Variants in CACNA1D observed in about 807,000 individuals in gnomAD.
CACNA1D encodes voltage-dependent L-type calcium channel subunit alpha-1D.
In CACNA1D, 55 loss-of-function variants were observed where a neutral mutation model predicts 257.1. That is an observed-to-expected ratio of 0.21 (90% CI 0.17 to 0.27). The LOEUF (loss-of-function observed/expected upper bound fraction) is 0.27. CACNA1D is among the 10% of genes least tolerant of loss of function. The pLI is 1.00. For synonymous variants in CACNA1D, 980 were observed against 1,014.9 expected, an observed-to-expected ratio of 0.97 and a Z score of 0.65; for missense variants, 1,876 against 2,784.0, an observed-to-expected ratio of 0.67 and a Z score of 7.34.
intron 4 of CACNA1D, among the ~76,000 whole-genome samples, chr3:53,656,879 T>TACACTAGTGTATGCAGTAC (rs2094152463): frequency 6.6e-6 from 1 of 152,200 alleles, no homozygotes; most frequent in South Asian, 2.1e-4. Flanking sequence ...CCACTAGTAT[T>TACACTAGTGTATGCAGTAC]ACTAAATGTA....
intron 17 of CACNA1D, 69 bp downstream of exon 17, chr3:53,731,215 A>AT: frequency 3.1e-6 from 3 of 972,482 alleles, no homozygotes; most frequent in Non-Finnish European, 5.0e-6. Context: ...TACATGTACC[A>AT]TTTACACTGT....
At chr3:53,714,015 T>G (rs2094791758) in intron 9 of CACNA1D, among the ~76,000 whole-genome samples, 2 of 152,354 alleles carry the variant, frequency 1.3e-5, no homozygotes, top group South Asian at 4.1e-4. Flanking sequence ...CTCCAGATTT[T>G]CAGCAGGCAA....
intron 3 of CACNA1D, among the ~76,000 whole-genome samples, chr3:53,605,622 A>C (rs1464689070): frequency 6.6e-6 from 1 of 152,244 alleles, no homozygotes; most frequent in Non-Finnish European, 1.5e-5. Context: ...GTGAACCAGA[A>C]TGCGTGTGGC....
chr3:53,800,420 C>G lies in CACNA1D; in HGVS notation c.5040+55C>G. 1.7e-6 allele frequency: 2 copies of G among 1,193,572 alleles called. No homozygotes were observed. Among genetic ancestry groups the G allele is most frequent in the Non-Finnish European group, 2.5e-6 (2 of 795,922 alleles). 73.9% of individuals were successfully genotyped at this position (1,193,572 alleles called of 1,614,324 possible). A position where few individuals can be genotyped will look rare whatever the true frequency, so the allele number is the denominator to read the frequency against. On this transcript the variant is annotated intron_variant, in intron 41 of 47. Coordinates refer to ENST00000350061, the MANE Select transcript of CACNA1D (RefSeq NM_001128840.3). The surrounding 1 kb of genome is among the most constrained non-coding windows in gnomAD (Gnocchi z 4.3). ...GCCATCTGGAAATAGCAGGGCAGGACTCCAGTTTGGGCAGTTAATCATCCA... is the reference window on the plus strand; with the variant it reads ...GCCATCTGGAAATAGCAGGGCAGGAGTCCAGTTTGGGCAGTTAATCATCCA...
At chr3:53,651,989 A>G (rs2094102676) in intron 4 of CACNA1D, among the ~76,000 whole-genome samples, 1 of 152,144 alleles carries the variant, frequency 6.6e-6, no homozygotes, top group African/African-American at 2.4e-5. Context: ...CAGTGGGACA[A>G]TTAGACTTGT....
At chr3:53,594,453 C>CT (rs35565636) in intron 3 of CACNA1D, among the ~76,000 whole-genome samples, 57,627 of 152,034 alleles carry the variant, frequency 0.38, 11,437 homozygotes, top group Middle Eastern at 0.48. Context: ...GCTCTTGGCA[C>CT]TAGAGATATT....
At chr3:53,551,438 G>T (rs953193538) in intron 3 of CACNA1D, among the ~76,000 whole-genome samples, 3 of 152,260 alleles carry the variant, frequency 2.0e-5, no homozygotes, top group Non-Finnish European at 4.4e-5. Context: ...GCCACAGGGA[G>T]TGGGTACAGA....
intron 3 of CACNA1D, among the ~76,000 whole-genome samples, chr3:53,592,150 A>T (rs1297087110): frequency 1.3e-5 from 2 of 152,158 alleles, no homozygotes; most frequent in African/African-American, 4.8e-5. Flanking sequence ...TTCTAGTGGG[A>T]AGAGAGGTGA....
At chr3:53,810,696 T>TGCAGTGA (rs2095593386) in intron 47 of CACNA1D, 1 of 237,332 alleles carries the variant, frequency 4.2e-6, no homozygotes, top group Admixed American at 6.4e-5. Flanking sequence ...AGGTGGAGGC[T>TGCAGTGA]GCAGTGAGCC....
At chr3:53,603,100 C>T (rs2093465508) in intron 3 of CACNA1D, among the ~76,000 whole-genome samples, 1 of 152,218 alleles carries the variant, frequency 6.6e-6, no homozygotes, top group African/African-American at 2.4e-5. Flanking sequence ...AAGCATAGAC[C>T]TACATAGCAT....
intron 22 of CACNA1D, among the ~76,000 whole-genome samples, chr3:53,743,821 A>G (rs957316082): frequency 4.6e-5 from 7 of 152,124 alleles, no homozygotes; most frequent in Non-Finnish European, 8.8e-5. Flanking sequence ...GCACACATGC[A>G]CACACCTGCC....
At position 53,667,161 on chromosome 3, in the gene CACNA1D, C is replaced by T. The variant is rs80136442; in HGVS notation, c.1116+626C>T. ...TCTGGCAGAAAGGGTAGGAATGGCA[C>T]GTAGACTTCCAGGGCTGGTGGACCC... On this transcript the variant is annotated intron_variant, in intron 7 of 47. Coordinates refer to ENST00000350061, the MANE Select transcript of CACNA1D (RefSeq NM_001128840.3). 4.3e-3 allele frequency among the ~76,000 whole-genome samples: 649 copies of T among 152,264 alleles called. 25 individuals are homozygous for T. In the East Asian group the frequency reaches 0.085, roughly 20 times the overall value.
In CACNA1D at chr3:53,812,184, A is replaced by G. The variant is rs922350365; in HGVS notation, c.*778A>G. On this transcript the variant is annotated 3_prime_UTR_variant, in exon 48 of 48. Coordinates refer to ENST00000350061, the MANE Select transcript of CACNA1D (RefSeq NM_001128840.3). Reference sequence around the variant, plus strand: ...TGTACATGACTTGTAATATACTATAATTTGTATTTGTAAAGAGATGGTCTA... The same window carrying G: ...TGTACATGACTTGTAATATACTATAGTTTGTATTTGTAAAGAGATGGTCTA... The G allele has an allele frequency of 1.3e-5, 2 of 152,222 alleles. No homozygotes were observed. Among genetic ancestry groups the G allele is most frequent in the Non-Finnish European group, 1.5e-5 (1 of 68,032 alleles). 9.4% of individuals were successfully genotyped at this position (152,222 alleles called of 1,614,324 possible). A position where few individuals can be genotyped will look rare whatever the true frequency, so the allele number is the denominator to read the frequency against.
At chr3:53,563,447 C>G (rs896232742) in intron 3 of CACNA1D, among the ~76,000 whole-genome samples, 6 of 151,460 alleles carry the variant, frequency 4.0e-5, no homozygotes, top group Non-Finnish European at 7.4e-5. Context: ...TCACTTGAAC[C>G]CGGGAGGCAG....
intron 3 of CACNA1D, among the ~76,000 whole-genome samples, chr3:53,544,966 A>G (rs1474515546): frequency 6.6e-6 from 1 of 152,250 alleles, no homozygotes. Flanking sequence ...AGTGCCTGGC[A>G]TAGAATAAGT....
chr3:53,683,481 AAAGG>A (rs1315483994), intron 8 of CACNA1D, among the ~76,000 whole-genome samples: 1 of 152,236 alleles, frequency 6.6e-6, no homozygotes, highest in African/African-American at 2.4e-5. Flanking sequence ...AACACTCGTT[AAAGG>A]AAGAGACCAA....
chr3:53,754,444 G>A (rs983945880), intron 29 of CACNA1D, among the ~76,000 whole-genome samples: 7 of 152,146 alleles, frequency 4.6e-5, no homozygotes, highest in East Asian at 3.8e-4. Context: ...CCTGCGCCTC[G>A]ACTTCCTCAC....
At chr3:53,712,384 G>A (rs1360942742) in intron 9 of CACNA1D, among the ~76,000 whole-genome samples, 6 of 152,330 alleles carry the variant, frequency 3.9e-5, no homozygotes, top group Middle Eastern at 3.4e-3. Context: ...CTGAACACGC[G>A]GAGATAGTTA....
chr3:53,588,836 C>G (rs2093260303), intron 3 of CACNA1D, among the ~76,000 whole-genome samples: 1 of 152,138 alleles, frequency 6.6e-6, no homozygotes, highest in East Asian at 1.9e-4. Context: ...ATAACTGTAA[C>G]AGATTCCGAT....
Sources: allele counts gnomAD v4.1 joint callset (sites outside exome capture counted in the v4.1 genomes callset), GRCh38; gene constraint gnomAD v4.1.1; non-coding constraint Gnocchi (gnomAD v3.1); transcripts MANE v1.5; gene names NCBI Gene and HGNC (gene_info 2026-07-23, HGNC 2026-07-21).